Variants in NECAB1 observed in about 807,000 individuals in gnomAD.
NECAB1 encodes the protein N-terminal EF-hand calcium binding protein 1, also known as N-terminal EF-hand calcium-binding protein 1.
Under a neutral mutation model 57.5 loss-of-function variants are expected in NECAB1, and 29 were observed. The observed-to-expected ratio is 0.50, with a 90% CI of 0.38 to 0.69. The LOEUF (loss-of-function observed/expected upper bound fraction) is 0.69. NECAB1 is among the 30% of genes least tolerant of loss of function. The pLI, the probability that NECAB1 is intolerant of heterozygous loss-of-function variation, is 0.00. For synonymous variants in NECAB1, 142 were observed against 147.7 expected (o/e 0.96, Z 0.28); for missense variants, 372 against 413.8 (o/e 0.90, Z 0.88).
chr8:90,867,962 C>T (rs1808551567), intron 3 of NECAB1, among the ~76,000 whole-genome samples: 1 of 152,114 alleles, frequency 6.6e-6, no homozygotes, highest in South Asian at 2.1e-4. Flanking sequence ...GGGAGAGAAA[C>T]CTGGGGAGAG....
chr8:90,872,891 T>G (rs1365937313), intron 4 of NECAB1, among the ~76,000 whole-genome samples: 1 of 152,192 alleles, frequency 6.6e-6, no homozygotes, highest in African/African-American at 2.4e-5. Flanking sequence ...CTCAAAACAT[T>G]TTTGGTAGTT....
intron 11 of NECAB1, among the ~76,000 whole-genome samples, chr8:90,950,602 T>A (rs2130273521): frequency 6.6e-6 from 1 of 152,280 alleles, no homozygotes; most frequent in Non-Finnish European, 1.5e-5. Context: ...GAAATTCAGT[T>A]GATCCATGTT....
chr8:90,868,067 T>C (rs994550230), intron 3 of NECAB1, among the ~76,000 whole-genome samples: 2 of 138,522 alleles, frequency 1.4e-5, no homozygotes, highest in Non-Finnish European at 3.1e-5. Flanking sequence ...GTGTAGCACT[T>C]CCCCCTTCAC....
chr8:90,888,051 C>G (rs1809052142), intron 5 of NECAB1, among the ~76,000 whole-genome samples: 2 of 152,012 alleles, frequency 1.3e-5, no homozygotes. Context: ...CCTACCAATC[C>G]TTCCTCCCCA....
At chr8:90,826,581 C>T (rs981644446) in intron 3 of NECAB1, among the ~76,000 whole-genome samples, 10 of 151,878 alleles carry the variant, frequency 6.6e-5, no homozygotes, top group African/African-American at 2.4e-4. Context: ...GTTATGTATG[C>T]TGATTATTTC....
chr8:90,934,930 A>C (rs1254586551), intron 9 of NECAB1, among the ~76,000 whole-genome samples: 1 of 152,190 alleles, frequency 6.6e-6, no homozygotes, highest in Non-Finnish European at 1.5e-5. Flanking sequence ...ATGCAACAAA[A>C]AGAAGTTAGC....
rs1227105559 is a variant in NECAB1 at position 90,881,014 on chromosome 8, C to T, written c.260-19C>T. 1.3e-6 allele frequency: 2 copies of T among 1,529,654 alleles called. No individual in the cohort carries two copies. Among genetic ancestry groups the T allele is most frequent in the South Asian group, 2.5e-5 (2 of 80,788 alleles). 94.8% of individuals were successfully genotyped at this position (1,529,654 alleles called of 1,614,324 possible). The stretch of plus-strand genomic sequence containing the variant: ...CCTAAACTCAAATATGAATTTATTT[C>T]AATATTTTCATTTTTCAGAATATTT... On this transcript the variant is annotated intron_variant, in intron 4 of 12. Coordinates refer to ENST00000417640, the MANE Select transcript of NECAB1 (RefSeq NM_022351.5).
At chr8:90,854,365 G>C (rs1461460907) in intron 3 of NECAB1, among the ~76,000 whole-genome samples, 2 of 152,176 alleles carry the variant, frequency 1.3e-5, no homozygotes. Flanking sequence ...CATTGGGCTT[G>C]TTGGAGCACT....
chr8:90,842,274 T>C (rs1812468148), intron 3 of NECAB1, among the ~76,000 whole-genome samples: 1 of 152,214 alleles, frequency 6.6e-6, no homozygotes, highest in Non-Finnish European at 1.5e-5. Context: ...AAAAGGTCCA[T>C]CCACCTTCAA....
At chr8:90,808,769 G>A (rs566830920) in intron 2 of NECAB1, among the ~76,000 whole-genome samples, 3 of 146,808 alleles carry the variant, frequency 2.0e-5, no homozygotes, top group African/African-American at 7.6e-5. Context: ...CCTCAGTCTC[G>A]CAAGTAGCTG....
intron 3 of NECAB1, among the ~76,000 whole-genome samples, chr8:90,833,958 T>C (rs1164900805): frequency 6.6e-6 from 1 of 151,756 alleles, no homozygotes; most frequent in Non-Finnish European, 1.5e-5. Flanking sequence ...AGATCAAGAG[T>C]TCGAGACCAG....
chr8:90,922,025 AC>A (rs1396302940), intron 6 of NECAB1, among the ~76,000 whole-genome samples: 1 of 152,182 alleles, frequency 6.6e-6, no homozygotes, highest in Non-Finnish European at 1.5e-5. Flanking sequence ...ATGCTACAAC[AC>A]TCTTTGTATC....
At chr8:90,803,732 T>C (rs971062419) in intron 2 of NECAB1, among the ~76,000 whole-genome samples, 1 of 152,144 alleles carries the variant, frequency 6.6e-6, no homozygotes, top group Non-Finnish European at 1.5e-5. Flanking sequence ...CTTCCTCATG[T>C]ATCCTCCTCT....
intron 3 of NECAB1, among the ~76,000 whole-genome samples, chr8:90,853,577 TAGTG>T (rs1812731063): frequency 6.6e-6 from 1 of 152,248 alleles, no homozygotes; most frequent in Non-Finnish European, 1.5e-5. Context: ...GTTTATTTAT[TAGTG>T]AGCTCCATTA....
At chr8:90,914,886 C>A (rs761309393) in intron 5 of NECAB1, among the ~76,000 whole-genome samples, 3 of 152,102 alleles carry the variant, frequency 2.0e-5, no homozygotes, top group Non-Finnish European at 2.9e-5. Context: ...ATAAGGGATA[C>A]AGAAATAAAA....
At chr8:90,939,713 C>A (rs1039114030) in intron 9 of NECAB1, among the ~76,000 whole-genome samples, 3 of 152,144 alleles carry the variant, frequency 2.0e-5, no homozygotes, top group African/African-American at 7.2e-5. Flanking sequence ...TAATACTAAA[C>A]CCATGTGCTT....
At chr8:90,866,377 A>G (rs1463906580) in intron 3 of NECAB1, among the ~76,000 whole-genome samples, 4 of 152,322 alleles carry the variant, frequency 2.6e-5, no homozygotes, top group Middle Eastern at 3.4e-3. Context: ...TACTGTTGCA[A>G]ATGTCTTTGT....
In NECAB1 at chr8:90,893,789, G is replaced by C. The variant is rs1809252184; in HGVS notation, c.357+12659G>C. ...GCTAGCTGGGGAGGTCTGGGGAAAA[G>C]AAAGGGATTAGCAGTTTTAATCCTA... is the stretch of plus-strand genomic sequence containing the variant. On this transcript the variant is annotated intron_variant, in intron 5 of 12. Coordinates refer to ENST00000417640, the MANE Select transcript of NECAB1 (RefSeq NM_022351.5). 2.6e-5 allele frequency among the ~76,000 whole-genome samples: 4 copies of C among 152,278 alleles called. No homozygotes were observed. In the South Asian group the frequency reaches 8.3e-4, roughly 32 times the overall value.
chr8:90,814,569 A>G (rs937240497), intron 2 of NECAB1, among the ~76,000 whole-genome samples: 1 of 152,168 alleles, frequency 6.6e-6, no homozygotes, highest in Non-Finnish European at 1.5e-5. Flanking sequence ...TTATGGACAC[A>G]TGGATATTTA....
Sources: gnomAD v4.1 joint callset for allele counts (sites outside exome capture counted in the v4.1 genomes callset) on GRCh38, gnomAD v4.1.1 for gene constraint, MANE v1.5 for transcripts, NCBI Gene and HGNC (gene_info 2026-07-23, HGNC 2026-07-21) for gene names.